The following OR3A2 variants were observed in gnomAD, a reference collection of about 807,000 sequenced individuals.
The protein encoded by OR3A2 is olfactory receptor family 3 subfamily A member 2.
For missense variants in OR3A2, 318 were observed against 392.8 expected (o/e 0.81, Z 1.61); for synonymous variants, 126 against 159.3 (o/e 0.79, Z 1.57).
At chr17:3,375,300 C>CT (rs58991111) in intron 2 of OR3A2, among the ~76,000 whole-genome samples, 18,125 of 66,406 alleles carry the variant, frequency 0.27, 3,718 homozygotes, top group East Asian at 0.34. Context: ...AGATTTCTTC[C>CT]TTTTTTTTTT....
At chr17:3,298,913 G>A (rs1425584481) in intron 3 of OR3A2, among the ~76,000 whole-genome samples, 1 of 152,150 alleles carries the variant, frequency 6.6e-6, no homozygotes, top group Non-Finnish European at 1.5e-5. Context: ...AGCCCTTCCA[G>A]GAAGGTTCGG....
chr17:3,358,590 A>G (rs118092852), intron 2 of OR3A2, among the ~76,000 whole-genome samples: 2,392 of 151,806 alleles, frequency 0.016, 45 homozygotes, highest in Non-Finnish European at 0.025. Context: ...CATGGTTTTG[A>G]GTGATTTTAA....
intron 2 of OR3A2, among the ~76,000 whole-genome samples, chr17:3,378,777 C>T (rs1338730748): frequency 6.6e-6 from 1 of 152,194 alleles, no homozygotes; most frequent in Admixed American, 6.5e-5. Flanking sequence ...CCACTTCCCC[C>T]CGGAAGTTCT....
intron 2 of OR3A2, among the ~76,000 whole-genome samples, chr17:3,383,318 T>A (rs2049754117): frequency 6.6e-6 from 1 of 152,136 alleles, no homozygotes; most frequent in Admixed American, 6.5e-5. Context: ...CAAGAAGCCA[T>A]CAGGGAACAG....
At chr17:3,334,749 C>A (rs946312390) in intron 3 of OR3A2, among the ~76,000 whole-genome samples, 7 of 152,146 alleles carry the variant, frequency 4.6e-5, no homozygotes, top group Non-Finnish European at 1.0e-4. Flanking sequence ...TAGAGGCATA[C>A]AATCATCTAT....
intron 2 of OR3A2, among the ~76,000 whole-genome samples, chr17:3,343,326 C>T (rs748939950): frequency 2.4e-4 from 36 of 152,186 alleles, no homozygotes; most frequent in Admixed American, 3.3e-4. Context: ...CAGAAATCAC[C>T]CATCTTCTGT....
At chr17:3,375,243 TTTC>T (rs2150666912) in intron 2 of OR3A2, among the ~76,000 whole-genome samples, 1 of 76,120 alleles carries the variant, frequency 1.3e-5, no homozygotes, top group Non-Finnish European at 2.3e-5. Flanking sequence ...TTTTTTTTTT[TTTC>T]CCCCCCTTTT....
At chr17:3,372,516 C>T (rs2150665415) in intron 2 of OR3A2, among the ~76,000 whole-genome samples, 1 of 152,116 alleles carries the variant, frequency 6.6e-6, no homozygotes, top group Admixed American at 6.5e-5. Flanking sequence ...CACGCCACTG[C>T]ACTCCAGCCT....
At chr17:3,345,690 A>G (rs2049358307) in intron 2 of OR3A2, among the ~76,000 whole-genome samples, 1 of 152,166 alleles carries the variant, frequency 6.6e-6, no homozygotes, top group Non-Finnish European at 1.5e-5. Flanking sequence ...TTGATGGATA[A>G]TAGGAGATAA....
intron 3 of OR3A2, among the ~76,000 whole-genome samples, chr17:3,305,240 T>C (rs908930573): frequency 7.3e-5 from 11 of 151,250 alleles, no homozygotes; most frequent in South Asian, 6.2e-4. Flanking sequence ...GGTGGAGAGG[T>C]ATGTCTTCGT....
intron 3 of OR3A2, among the ~76,000 whole-genome samples, chr17:3,290,405 C>T (rs62089535): frequency 0.034 from 5,230 of 152,258 alleles, 151 homozygotes; most frequent in Non-Finnish European, 0.058. Context: ...TCTCCCTATT[C>T]CTCATCTTTC....
downstream of OR3A2, chr17:3,276,836 TATATC>T (rs1381543593): frequency 6.6e-6 from 1 of 152,128 alleles, no homozygotes; most frequent in Non-Finnish European, 1.5e-5. Context: ...GACCTTAAGA[TATATC>T]ATATATGTAT....
chr17:3,322,669 T>C (rs1422706350), intron 3 of OR3A2, among the ~76,000 whole-genome samples: 5 of 152,198 alleles, frequency 3.3e-5, no homozygotes, highest in Admixed American at 3.3e-4. Context: ...AGTTTCCATA[T>C]GGTTGAGTGG....
chr17:3,330,434 T>C (rs1158746327), intron 3 of OR3A2, among the ~76,000 whole-genome samples: 1 of 151,938 alleles, frequency 6.6e-6, no homozygotes, highest in Non-Finnish European at 1.5e-5. Flanking sequence ...AGTTAGCTCT[T>C]CTTGTTGAAT....
chr17:3,312,356 G>A (rs1034237576), intron 3 of OR3A2, among the ~76,000 whole-genome samples: 1 of 152,146 alleles, frequency 6.6e-6, no homozygotes, highest in Non-Finnish European at 1.5e-5. Context: ...AATAGGTCTA[G>A]TATTGTAAAG....
At chr17:3,384,409 C>G (rs1332610151) in intron 1 of OR3A2, among the ~76,000 whole-genome samples, 1 of 152,186 alleles carries the variant, frequency 6.6e-6, no homozygotes, top group African/African-American at 2.4e-5. Flanking sequence ...TCTCTTCACT[C>G]CATGCCTCCT....
intron 2 of OR3A2, among the ~76,000 whole-genome samples, chr17:3,359,119 A>G (rs1433016377): frequency 6.6e-6 from 1 of 151,188 alleles, no homozygotes; most frequent in African/African-American, 2.4e-5. Context: ...CCTTTTTTCT[A>G]TTTGCTGGGT....
rs12019074 is a variant in OR3A2 at position 3,368,317 on chromosome 17, T to C, written c.-179+15487A>G. ...ATCATAAATTCTTTCCCTAAGCCAATGTCTAGAAGAGTTTTTCCAATGTTA... is the reference window on the plus strand; with the variant it reads ...ATCATAAATTCTTTCCCTAAGCCAACGTCTAGAAGAGTTTTTCCAATGTTA... On this transcript the variant is annotated intron_variant, in intron 2 of 4. Coordinates refer to the OR3A2 transcript ENST00000573491. Among the ~76,000 whole-genome samples, 576 of 152,352 alleles carry C rather than the reference T, an allele frequency of 3.8e-3. 5 individuals are homozygous for C. The highest frequency in any genetic ancestry group is 0.013 in the African/African-American group (549 of 41,590).
chr17:3,365,056 C>G (rs1386777496), intron 2 of OR3A2, among the ~76,000 whole-genome samples: 1 of 151,996 alleles, frequency 6.6e-6, no homozygotes, highest in East Asian at 1.9e-4. Flanking sequence ...CAGAGCAAAC[C>G]CTGAGCTGAG....
Sources: allele counts gnomAD v4.1 joint callset (sites outside exome capture counted in the v4.1 genomes callset), GRCh38; gene constraint gnomAD v4.1.1; transcripts MANE v1.5; gene names NCBI Gene and HGNC (gene_info 2026-07-23, HGNC 2026-07-21).